Variants in SLC39A12 observed in about 807,000 individuals in gnomAD.
SLC39A12 encodes zinc transporter ZIP12.
A neutral mutation model predicts 71.1 loss-of-function variants in SLC39A12; 63 were observed. The ratio of observed to expected loss-of-function variants is 0.89; its 90% CI spans 0.72 to 1.09. SLC39A12 has a LOEUF of 1.09. Among genes scored for constraint, SLC39A12 ranks in the 50% least tolerant of loss-of-function variants. The probability of loss-of-function intolerance (pLI) is 0.00; values close to 1 mark genes in which losing one functional copy is unlikely to be tolerated. For synonymous variants in SLC39A12, 351 were observed against 301.3 expected (o/e 1.16, Z -1.71); for missense variants, 892 against 812.6 (o/e 1.10, Z -1.19).
At chr10:17,971,237 G>A (rs1245121903) in intron 4 of SLC39A12, among the ~76,000 whole-genome samples, 1 of 132,118 alleles carries the variant, frequency 7.6e-6, no homozygotes, top group Non-Finnish European at 1.6e-5. Flanking sequence ...TTGCATCACT[G>A]TTCATCAGAG....
Position 17,953,179 on chromosome 10 carries a change from C to T in SLC39A12, c.-86-12C>T. 2 of 1,437,418 alleles carry T rather than the reference C, an allele frequency of 1.4e-6. No individual in the cohort carries two copies. The highest frequency in any genetic ancestry group is 1.9e-6 in the Non-Finnish European group (2 of 1,061,466). The allele number at this position is 1,437,418 out of a possible 1,614,324, so 89.0% of individuals were successfully genotyped here. ...CAATAATTGAAGGCTTTATTTTTCC[C>T]CTTTACCACAGAAATTCCTTTGGTT... is the stretch of plus-strand genomic sequence containing the variant. On this transcript the variant is annotated splice_polypyrimidine_tract_variant and intron_variant, in intron 1 of 12. Coordinates refer to ENST00000377369, the MANE Select transcript of SLC39A12 (RefSeq NM_001145195.2).
chr10:17,983,721 G>T (rs577634294), intron 6 of SLC39A12, among the ~76,000 whole-genome samples: 6 of 152,156 alleles, frequency 3.9e-5, no homozygotes, highest in African/African-American at 1.4e-4. Context: ...GGTGGAGGTT[G>T]CAGTGAGCCA....
intron 12 of SLC39A12, among the ~76,000 whole-genome samples, chr10:18,003,567 G>A (rs1284447688): frequency 2.6e-5 from 4 of 152,176 alleles, no homozygotes; most frequent in African/African-American, 9.7e-5. Flanking sequence ...GACATTTTCT[G>A]TAGTGTTAAA....
intron 12 of SLC39A12, among the ~76,000 whole-genome samples, chr10:18,012,699 T>C (rs1836261064): frequency 6.6e-6 from 1 of 152,038 alleles, no homozygotes; most frequent in African/African-American, 2.4e-5. Flanking sequence ...AAACCCCTTC[T>C]CTACTAAAAA....
At chr10:18,039,215 TGAGGAGGAGGAG>T (rs775579443) in intron 12 of SLC39A12, among the ~76,000 whole-genome samples, 1 of 151,428 alleles carries the variant, frequency 6.6e-6, no homozygotes, top group Non-Finnish European at 1.5e-5. Flanking sequence ...GTTTGAAAAA[TGAGGAGGAGGAG>T]GAGGAGGAGA....
In SLC39A12 at chr10:17,953,528, T is replaced by C. The variant is rs200866337; in HGVS notation, c.252T>C (p.Asp84=). The change falls in exon 2 of 13, where the codon GAT becomes GAC. Residue 84 remains aspartate, a synonymous_variant. Transcript: ENST00000377369. ...GGAGGAGAAACGGAATGCAAGGAGA[T>C]TGCAATCTGGTTAGTGAAATAGAAT... ...CPRRRNGMQG[D]CNLCFEPDAL... is the part of the protein sequence containing the mutation. 97 of 1,614,016 alleles carry C rather than the reference T, an allele frequency of 6.0e-5. No individual in the cohort carries two copies. The highest frequency in any genetic ancestry group is 1.7e-4 in the Middle Eastern group (1 of 6,046).
Position 18,006,151 on chromosome 10 carries a change from T to C in SLC39A12, c.1947+2793T>C, listed in dbSNP as rs540962561. 2.0e-5 allele frequency among the ~76,000 whole-genome samples: 3 copies of C among 152,344 alleles called. No homozygotes were observed. The South Asian group carries it at 6.2e-4, about 32-fold the overall frequency. On this transcript the variant is annotated intron_variant, in intron 12 of 12. Coordinates refer to ENST00000377369, the MANE Select transcript of SLC39A12 (RefSeq NM_001145195.2). ...AAATCCTGGATATTGACCAGGTACC[T>C]TCTGAACAAGGTTAATGTGAAAAGA...
intron 12 of SLC39A12, among the ~76,000 whole-genome samples, chr10:18,007,621 T>C (rs919161745): frequency 6.6e-6 from 1 of 152,236 alleles, no homozygotes; most frequent in Non-Finnish European, 1.5e-5. Flanking sequence ...TTGCCCATTT[T>C]CATGGTTATT....
chr10:18,013,648 A>C (rs1365997741), intron 12 of SLC39A12, among the ~76,000 whole-genome samples: 1 of 152,172 alleles, frequency 6.6e-6, no homozygotes, highest in African/African-American at 2.4e-5. Context: ...TTGAGATTAC[A>C]GTATGAGCCA....
chr10:18,010,292 C>T (rs1013410078), intron 12 of SLC39A12, among the ~76,000 whole-genome samples: 1 of 152,078 alleles, frequency 6.6e-6, no homozygotes, highest in Non-Finnish European at 1.5e-5. Context: ...TGTTAAACAT[C>T]CACCCACAGG....
chr10:18,041,535 T>TATAC (rs1167313855), intron 12 of SLC39A12, among the ~76,000 whole-genome samples: 7 of 120,688 alleles, frequency 5.8e-5, no homozygotes, highest in Admixed American at 1.8e-4. Context: ...TGTATATATA[T>TATAC]ACACACACAC....
At chr10:18,040,301 G>A (rs1837184657) in intron 12 of SLC39A12, among the ~76,000 whole-genome samples, 1 of 152,070 alleles carries the variant, frequency 6.6e-6, no homozygotes, top group South Asian at 2.1e-4. Flanking sequence ...TGTTTAAAAT[G>A]GTCCACCCAG....
intron 12 of SLC39A12, among the ~76,000 whole-genome samples, chr10:18,017,927 G>C: frequency 6.6e-6 from 1 of 152,134 alleles, no homozygotes; most frequent in East Asian, 1.9e-4. Flanking sequence ...TAAATAACTT[G>C]CTGGGACTTT....
intron 12 of SLC39A12, chr10:18,009,879 A>G (rs1324651805): frequency 1.3e-5 from 2 of 152,240 alleles, no homozygotes; most frequent in Non-Finnish European, 2.9e-5. Flanking sequence ...AGGATTATCA[A>G]TATAGTTCAT....
At chr10:17,975,265 C>T (rs963142516) in intron 4 of SLC39A12, among the ~76,000 whole-genome samples, 1 of 152,092 alleles carries the variant, frequency 6.6e-6, no homozygotes, top group South Asian at 2.1e-4. Context: ...CTCTAACACA[C>T]TGTGGCTAAG....
chr10:17,968,580 C>CT (rs147895009), intron 4 of SLC39A12, among the ~76,000 whole-genome samples: 2,046 of 152,152 alleles, frequency 0.013, 42 homozygotes, highest in African/African-American at 0.043. Flanking sequence ...CTGAGAATGG[C>CT]TTTTTTAAAC....
chr10:17,990,638 T>C (rs1589234649), intron 7 of SLC39A12, among the ~76,000 whole-genome samples: 1 of 152,190 alleles, frequency 6.6e-6, no homozygotes, highest in African/African-American at 2.4e-5. Flanking sequence ...TTGTCAGTCA[T>C]ACAGTATGCT....
intron 2 of SLC39A12, among the ~76,000 whole-genome samples, chr10:17,958,328 T>C (rs1387406892): frequency 6.6e-6 from 1 of 152,120 alleles, no homozygotes; most frequent in Non-Finnish European, 1.5e-5. Context: ...GACATTCTTC[T>C]TCCTACCTAC....
chr10:18,012,136 T>G (rs1836243949), intron 12 of SLC39A12, among the ~76,000 whole-genome samples: 1 of 152,182 alleles, frequency 6.6e-6, no homozygotes, highest in Non-Finnish European at 1.5e-5. Context: ...AACAGAGTGT[T>G]GAGGATTCTA....
Sources: allele counts gnomAD v4.1 joint callset (sites outside exome capture counted in the v4.1 genomes callset), GRCh38; gene constraint gnomAD v4.1.1; transcripts MANE v1.5; gene names NCBI Gene and HGNC (gene_info 2026-07-23, HGNC 2026-07-21).